PKP4: variants seen among roughly 807,000 people sequenced by gnomAD.
The protein encoded by PKP4 is plakophilin-4.
Under a neutral mutation model 145.1 loss-of-function variants are expected in PKP4, and 90 were observed. The ratio of observed to expected loss-of-function variants is 0.62; its 90% CI spans 0.52 to 0.74. The LOEUF (loss-of-function observed/expected upper bound fraction) is 0.74, where lower values mean the gene tolerates loss of function less well. Ranked by LOEUF, PKP4 falls within the 30% of genes least tolerant of loss-of-function variation. The pLI, the probability that PKP4 is intolerant of heterozygous loss-of-function variation, is 0.00. For synonymous variants in PKP4, 563 were observed against 577.2 expected (o/e 0.98, Z 0.35); for missense variants, 1,340 against 1,482.7 (o/e 0.90, Z 1.58).
intron 2 of PKP4, among the ~76,000 whole-genome samples, chr2:158,555,638 T>A (rs1170491478): frequency 6.6e-6 from 1 of 152,250 alleles, no homozygotes; most frequent in Non-Finnish European, 1.5e-5. Context: ...GATGTGAAGA[T>A]GGATGGTAAT....
At chr2:158,564,590 A>G (rs796280589) in intron 2 of PKP4, among the ~76,000 whole-genome samples, 30 of 152,320 alleles carry the variant, frequency 2.0e-4, no homozygotes, top group African/African-American at 7.0e-4. Context: ...GTGTTATAGC[A>G]GATCCCACTC....
chr2:158,552,337 G>A (rs901979848), intron 2 of PKP4, among the ~76,000 whole-genome samples: 2 of 152,178 alleles, frequency 1.3e-5, no homozygotes, highest in South Asian at 2.1e-4. Flanking sequence ...ATAAATTTTT[G>A]TTGTTCTATT....
intron 1 of PKP4, among the ~76,000 whole-genome samples, chr2:158,463,942 G>T (rs1690186979): frequency 6.6e-6 from 1 of 152,134 alleles, no homozygotes; most frequent in African/African-American, 2.4e-5. Flanking sequence ...GGCCCCTCGG[G>T]GCAGGAGCTG....
At chr2:158,498,592 A>T (rs1385262110) in intron 1 of PKP4, among the ~76,000 whole-genome samples, 1 of 152,176 alleles carries the variant, frequency 6.6e-6, no homozygotes, top group Non-Finnish European at 1.5e-5. Flanking sequence ...TGGGAATCTC[A>T]TGCACTCTGC....
chr2:158,460,972 A>C (rs1689674291), intron 1 of PKP4, among the ~76,000 whole-genome samples: 1 of 152,216 alleles, frequency 6.6e-6, no homozygotes, highest in Non-Finnish European at 1.5e-5. Context: ...AAAGAAGGAA[A>C]ACTTTTAAGA....
intron 17 of PKP4, among the ~76,000 whole-genome samples, chr2:158,672,815 C>G (rs943911909): frequency 3.3e-5 from 5 of 150,488 alleles, no homozygotes; most frequent in African/African-American, 1.2e-4. Flanking sequence ...CTCCCTTGTC[C>G]TCCTCCACTT....
At chr2:158,550,688 T>C (rs1023763060) in intron 2 of PKP4, among the ~76,000 whole-genome samples, 5 of 152,244 alleles carry the variant, frequency 3.3e-5, no homozygotes, top group Non-Finnish European at 7.3e-5. Context: ...TGCAATTCTA[T>C]GTCCCAGTGA....
Position 158,548,425 on chromosome 2 carries a change from A to G in PKP4, c.132+15109A>G, listed in dbSNP as rs2045284494. 2.1e-5 allele frequency: 3 copies of G among 142,424 alleles called. 1 individual carries two copies. The South Asian group carries it at 6.4e-4, about 30-fold the overall frequency. The allele number at this position is 142,424 out of a possible 1,614,324, so 8.8% of individuals were successfully genotyped here. ...AGTTTCACTCCTCCAGCCACCCAAG[A>G]TGCCAAAAGGAAAGAAGGCCAAGGG... On this transcript the variant is annotated intron_variant, in intron 2 of 21. Transcript: ENST00000389759.
At chr2:158,529,001 G>C (rs1279764580) in intron 1 of PKP4, among the ~76,000 whole-genome samples, 2 of 152,150 alleles carry the variant, frequency 1.3e-5, no homozygotes, top group African/African-American at 4.8e-5. Flanking sequence ...TCAAGATTTA[G>C]AGTTTCCTGT....
chr2:158,645,376 C>T (rs751506400), intron 11 of PKP4, among the ~76,000 whole-genome samples: 15 of 152,184 alleles, frequency 9.9e-5, no homozygotes, highest in Admixed American at 4.6e-4. Context: ...TCAACACAGT[C>T]ACTGTGATTA....
chr2:158,625,295 TC>T lies in PKP4; in HGVS notation c.1022del (p.Ser341Ter). ...GQVGSSSPKR[S>X]GMTAVPQHLG... ...GGTGGGGTCGTCGTCCCCCAAACGCTCAGGGATGACCGCCGTACCACAGCAT... is the reference window on the plus strand; with the variant it reads ...GGTGGGGTCGTCGTCCCCCAAACGCTAGGGATGACCGCCGTACCACAGCAT... On this transcript the variant is annotated frameshift_variant, in exon 7 of 22. Transcript: ENST00000389759. LOFTEE classifies it high-confidence loss of function. 1 of 1,613,950 alleles carries T rather than the reference TC, an allele frequency of 6.2e-7. No homozygotes were observed. Among genetic ancestry groups the T allele is most frequent in the East Asian group, 2.2e-5 (1 of 44,868 alleles).
chr2:158,628,254 C>T (rs891138613), intron 7 of PKP4, among the ~76,000 whole-genome samples: 29 of 152,092 alleles, frequency 1.9e-4, no homozygotes, highest in Admixed American at 1.5e-3. Context: ...GCTGGGATTA[C>T]GGGTGTGAGC....
At chr2:158,465,848 A>C (rs146753674) in intron 1 of PKP4, among the ~76,000 whole-genome samples, 33 of 152,348 alleles carry the variant, frequency 2.2e-4, no homozygotes, top group Admixed American at 4.6e-4. Context: ...ACTTCACAAG[A>C]ACTATTAATA....
chr2:158,528,045 TA>T lies in PKP4; in HGVS notation c.-5-5132del, dbSNP rs1278035234. Among the ~76,000 whole-genome samples, 31 of 43,508 alleles carry T rather than the reference TA, an allele frequency of 7.1e-4. 1 individual carries two copies. Among genetic ancestry groups the T allele is most frequent in the African/African-American group, 2.0e-3 (30 of 15,102 alleles). The allele number at this position is 43,508 out of a possible 152,430, so 28.5% of individuals were successfully genotyped here. On this transcript the variant is annotated intron_variant, in intron 1 of 21. Coordinates refer to ENST00000389759, the MANE Select transcript of PKP4 (RefSeq NM_003628.6). ...CACTTTTACACTGTTGGTGGGACTG[TA>T]AACTAGTTCAACCATTGTGGAAGTC...
At position 158,583,181 on chromosome 2, in the gene PKP4, T is replaced by G. The variant is rs565388730; in HGVS notation, c.245+5798T>G. On this transcript the variant is annotated intron_variant, in intron 3 of 21. Transcript: ENST00000389759. Reference sequence around the variant, plus strand: ...AACTTTTGATGAGCATGGGACTTGTTCTTTTATTCCCTGCAATATCATTGA... The same window carrying G: ...AACTTTTGATGAGCATGGGACTTGTGCTTTTATTCCCTGCAATATCATTGA... 1.5e-4 allele frequency among the ~76,000 whole-genome samples: 23 copies of G among 152,328 alleles called. No homozygotes were observed. The South Asian group carries it at 2.5e-3, about 16-fold the overall frequency.
rs1409754184 is a variant in PKP4 at position 158,642,512 on chromosome 2, T to G, written c.1722T>G (p.His574Gln). Residue 574 changes from histidine (H) to glutamine (Q), a missense_variant, in exon 11 of 22, where the codon CAT becomes CAG. Coordinates refer to ENST00000389759, the MANE Select transcript of PKP4 (RefSeq NM_003628.6). ...MEVCRLGGIK[H>Q]LVDLLDHRVL... ...TGTGTAGGTTAGGGGGAATCAAGCA[T>G]CTGGTTGACCTTCTGGACCACAGAG... 2.5e-6 allele frequency: 4 copies of G among 1,611,434 alleles called. No individual in the cohort carries two copies. The highest frequency in any genetic ancestry group is 3.4e-6 in the Non-Finnish European group (4 of 1,177,992).
At chr2:158,613,775 G>T (rs2051343659) in intron 4 of PKP4, among the ~76,000 whole-genome samples, 1 of 152,178 alleles carries the variant, frequency 6.6e-6, no homozygotes, top group South Asian at 2.1e-4. Flanking sequence ...CATTCATAAA[G>T]TATGCTACCC....
intron 2 of PKP4, among the ~76,000 whole-genome samples, chr2:158,558,220 G>T (rs1574475045): frequency 6.6e-6 from 1 of 152,130 alleles, no homozygotes. Flanking sequence ...TGATTTAAAG[G>T]CTTAGAATAA....
At position 158,624,950 on chromosome 2, in the gene PKP4, A is replaced by G. The variant is rs149362186; in HGVS notation, c.676A>G (p.Ile226Val). 2 of 1,613,878 alleles carry G rather than the reference A, an allele frequency of 1.2e-6. No homozygotes were observed. Among genetic ancestry groups the G allele is most frequent in the African/African-American group, 2.7e-5 (2 of 74,914 alleles). The change falls in exon 7 of 22, where the codon ATC (isoleucine) becomes GTC (valine). Residue 226 changes from isoleucine (I) to valine (V), a missense_variant. Ile to Val is a conservative substitution (Grantham distance 29). Coordinates refer to ENST00000389759, the MANE Select transcript of PKP4 (RefSeq NM_003628.6). Reference sequence around the variant, plus strand: ...TAGAGCACAGTCTCCTTCTTATGTTATCAGCACAGGCGTGTCTCCTTCAAG... The same window carrying G: ...TAGAGCACAGTCTCCTTCTTATGTTGTCAGCACAGGCGTGTCTCCTTCAAG... ...PSRAQSPSYV[I>V]STGVSPSRGS...
Sources: gnomAD v4.1 joint callset for allele counts (sites outside exome capture counted in the v4.1 genomes callset) on GRCh38, gnomAD v4.1.1 for gene constraint, MANE v1.5 for transcripts, NCBI Gene and HGNC (gene_info 2026-07-23, HGNC 2026-07-21) for gene names.